SPIN1: variants seen among roughly 807,000 people sequenced by gnomAD.
SPIN1 encodes spindlin-1.
A neutral mutation model predicts 26.0 loss-of-function variants in SPIN1; 3 were observed. The observed-to-expected ratio is 0.12, with a 90% CI of 0.05 to 0.30. The LOEUF is 0.30. Among genes scored for constraint, SPIN1 ranks in the 10% least tolerant of loss-of-function variants. The probability of loss-of-function intolerance (pLI) is 1.00; values close to 1 mark genes in which losing one functional copy is unlikely to be tolerated. For synonymous variants in SPIN1, 101 were observed against 116.5 expected, an observed-to-expected ratio of 0.87 and a Z score of 0.86; for missense variants, 126 against 333.4, an observed-to-expected ratio of 0.38 and a Z score of 4.84.
chr9:88,452,823 A>G (rs747076435), intron 3 of SPIN1, among the ~76,000 whole-genome samples: 1 of 152,190 alleles, frequency 6.6e-6, no homozygotes, highest in Non-Finnish European at 1.5e-5. Flanking sequence ...AGTTATTTTG[A>G]TTTAACCAGT....
At chr9:88,432,311 T>C (rs912041974) in intron 2 of SPIN1, among the ~76,000 whole-genome samples, 1 of 151,422 alleles carries the variant, frequency 6.6e-6, no homozygotes, top group African/African-American at 2.4e-5. Flanking sequence ...TGTCTCAGCC[T>C]CCCAAGTAGT....
intron 2 of SPIN1, among the ~76,000 whole-genome samples, chr9:88,448,285 C>G (rs920698173): frequency 2.0e-5 from 3 of 152,170 alleles, no homozygotes; most frequent in African/African-American, 7.2e-5. Context: ...TTCAAGGAAT[C>G]CACCCGACTT....
chr9:88,437,003 G>T (rs1323952375), intron 2 of SPIN1, among the ~76,000 whole-genome samples: 2 of 151,688 alleles, frequency 1.3e-5, no homozygotes, highest in Non-Finnish European at 2.9e-5. Flanking sequence ...CTGACCTCGT[G>T]ATCCGCCCGC....
chr9:88,436,754 C>CTTTTTTTT (rs776223657), intron 2 of SPIN1, among the ~76,000 whole-genome samples: 19 of 98,794 alleles, frequency 1.9e-4, no homozygotes, highest in Non-Finnish European at 3.3e-4. Context: ...TCCTCTGTGT[C>CTTTTTTTT]TTTTTTTTTT....
intron 1 of SPIN1, among the ~76,000 whole-genome samples, chr9:88,417,391 C>G (rs985499941): frequency 2.0e-5 from 3 of 152,166 alleles, no homozygotes; most frequent in Non-Finnish European, 2.9e-5. Flanking sequence ...AGAGTATCCA[C>G]CTGGAAATAG....
chr9:88,394,228 G>C (rs536182731), intron 1 of SPIN1, among the ~76,000 whole-genome samples: 1 of 152,146 alleles, frequency 6.6e-6, no homozygotes, highest in South Asian at 2.1e-4. Flanking sequence ...CTTTCAACCT[G>C]GTTCTCTTTC....
At position 88,448,789 on chromosome 9, in the gene SPIN1, A is replaced by G. The variant is rs538427184; in HGVS notation, c.53-152A>G. On this transcript the variant is annotated intron_variant, in intron 2 of 5. Transcript: ENST00000375859. ...GTGTGTATCTCTTTTTTAAAAGTTC[A>G]GTAAACAAATGGCTTTCTTAACATG... 85 of 595,348 alleles carry G rather than the reference A, an allele frequency of 1.4e-4. 1 individual carries two copies. Among genetic ancestry groups the G allele is most frequent in the South Asian group, 1.3e-3 (55 of 42,532 alleles). The allele number at this position is 595,348 out of a possible 1,614,324, so 36.9% of individuals were successfully genotyped here. A position where few individuals can be genotyped will look rare whatever the true frequency, so the allele number is the denominator to read the frequency against.
intron 1 of SPIN1, chr9:88,418,777 G>C (rs1470342949): frequency 6.6e-6 from 1 of 152,150 alleles, no homozygotes; most frequent in African/African-American, 2.4e-5. Flanking sequence ...TTTTTAAATA[G>C]GAAGTTTATC....
In SPIN1 at chr9:88,477,399, C is replaced by T. The variant is rs1411658105; in HGVS notation, c.*2122C>T. On this transcript the variant is annotated 3_prime_UTR_variant, in exon 6 of 6. Coordinates refer to ENST00000375859, the MANE Select transcript of SPIN1 (RefSeq NM_006717.3). ...CTTAATGACTTGCATTGTGGTTTTT[C>T]TGCAAGCAACTTTAATGACTTTTTT... The T allele has an allele frequency of 6.6e-6, 1 of 152,196 alleles. No homozygotes were observed. Among genetic ancestry groups the T allele is most frequent in the Non-Finnish European group, 1.5e-5 (1 of 68,036 alleles). 9.4% of individuals were successfully genotyped at this position (152,196 alleles called of 1,614,324 possible). A position where few individuals can be genotyped will look rare whatever the true frequency, so the allele number is the denominator to read the frequency against.
At chr9:88,465,791 A>G (rs371138882) in intron 4 of SPIN1, among the ~76,000 whole-genome samples, 11 of 152,328 alleles carry the variant, frequency 7.2e-5, no homozygotes, top group East Asian at 3.9e-4. Context: ...GTGGTTTCAT[A>G]TAAGTATATC....
At chr9:88,443,464 G>A (rs548789214) in intron 2 of SPIN1, among the ~76,000 whole-genome samples, 2 of 152,210 alleles carry the variant, frequency 1.3e-5, no homozygotes, top group Non-Finnish European at 2.9e-5. Context: ...CATGTTGTCT[G>A]TATTACTCTT....
At chr9:88,471,672 A>G (rs887672468) in intron 5 of SPIN1, among the ~76,000 whole-genome samples, 3 of 151,216 alleles carry the variant, frequency 2.0e-5, no homozygotes, top group East Asian at 1.9e-4. Context: ...AAAAAAAAAA[A>G]AAAAAAAGAA....
chr9:88,412,864 A>G, intron 1 of SPIN1, among the ~76,000 whole-genome samples: 1 of 151,066 alleles, frequency 6.6e-6, no homozygotes, highest in South Asian at 2.1e-4. Flanking sequence ...TTGTATTTTT[A>G]GTAGAGACAG....
chr9:88,449,007 T>A lies in SPIN1; in HGVS notation c.101+18T>A, dbSNP rs781041035. 6.2e-7 allele frequency: 1 copy of A among 1,611,928 alleles called. No individual in the cohort carries two copies. Among genetic ancestry groups the A allele is most frequent in the Non-Finnish European group, 8.5e-7 (1 of 1,179,326 alleles). On this transcript the variant is annotated intron_variant, in intron 3 of 5. Transcript: ENST00000375859. Reference sequence around the variant, plus strand: ...TCCCACAAGTAAGCAGTTCTGAAACTGGTTCTAGATAGTGTTTTGTGACCT... The same window carrying A: ...TCCCACAAGTAAGCAGTTCTGAAACAGGTTCTAGATAGTGTTTTGTGACCT...
chr9:88,427,121 CT>C (rs1827778076), intron 2 of SPIN1, among the ~76,000 whole-genome samples: 1 of 152,100 alleles, frequency 6.6e-6, no homozygotes, highest in Non-Finnish European at 1.5e-5. Context: ...TAAACAAAAT[CT>C]TATAGAATAC....
At chr9:88,411,996 C>G (rs1212723973) in intron 1 of SPIN1, among the ~76,000 whole-genome samples, 1 of 151,100 alleles carries the variant, frequency 6.6e-6, no homozygotes, top group Admixed American at 6.6e-5. Flanking sequence ...GCGGTGAAAC[C>G]CCGTCTCTAC....
chr9:88,458,151 C>T (rs545068253), intron 3 of SPIN1, among the ~76,000 whole-genome samples: 3 of 152,186 alleles, frequency 2.0e-5, no homozygotes, highest in South Asian at 2.1e-4. Context: ...ACATCATTTG[C>T]GTTAGAAGCT....
intron 1 of SPIN1, chr9:88,391,313 C>T (rs1826915794): frequency 6.5e-6 from 1 of 153,514 alleles, no homozygotes; most frequent in African/African-American, 2.4e-5. Flanking sequence ...CTTTCTCAAC[C>T]TAATACATAA....
intron 2 of SPIN1, among the ~76,000 whole-genome samples, chr9:88,432,663 T>C (rs114040870): frequency 0.02 from 2,929 of 149,400 alleles, 74 homozygotes; most frequent in African/African-American, 0.064. Context: ...TTTTCTTTTT[T>C]CTTTCAGTAG....
Sources: gnomAD v4.1 joint callset for allele counts (sites outside exome capture counted in the v4.1 genomes callset) on GRCh38, gnomAD v4.1.1 for gene constraint, MANE v1.5 for transcripts, NCBI Gene and HGNC (gene_info 2026-07-23, HGNC 2026-07-21) for gene names.